Variants in ESRRG observed in about 807,000 individuals in gnomAD.
ESRRG encodes the protein estrogen related receptor gamma, also known as estrogen-related receptor gamma.
ESRRG carries 13 observed loss-of-function variants against 44.0 expected under a neutral mutation model. The observed-to-expected ratio is 0.30, with a 90% CI of 0.19 to 0.47. ESRRG has a LOEUF of 0.47. Among genes scored for constraint, ESRRG ranks in the 20% least tolerant of loss-of-function variants. The pLI is 1.00. For synonymous variants in ESRRG, 215 were observed against 214.6 expected, an observed-to-expected ratio of 1.00 and a Z score of -0.02; for missense variants, 395 against 580.6, an observed-to-expected ratio of 0.68 and a Z score of 3.29.
intron 3 of ESRRG, among the ~76,000 whole-genome samples, chr1:216,625,156 C>T (rs377591166): frequency 5.9e-4 from 90 of 152,148 alleles, no homozygotes; most frequent in Middle Eastern, 6.8e-3. Context: ...TGTCTCTTTC[C>T]CCTTTCATCT....
intron 1 of ESRRG, among the ~76,000 whole-genome samples, chr1:217,098,562 G>A (rs1424713671): frequency 2.0e-5 from 3 of 152,166 alleles, no homozygotes; most frequent in Non-Finnish European, 4.4e-5. Flanking sequence ...AAGTAGGAGT[G>A]TATCCACATT....
At chr1:216,662,894 C>A (rs1475033155) in intron 2 of ESRRG, among the ~76,000 whole-genome samples, 1 of 152,158 alleles carries the variant, frequency 6.6e-6, no homozygotes, top group Non-Finnish European at 1.5e-5. Context: ...CTTTCTTTAG[C>A]AAAATGGATT....
At chr1:216,620,026 T>G (rs968018875) in intron 3 of ESRRG, among the ~76,000 whole-genome samples, 2 of 152,146 alleles carry the variant, frequency 1.3e-5, no homozygotes, top group African/African-American at 4.8e-5. Flanking sequence ...TATTAGGTAC[T>G]AAAAATCTAC....
chr1:216,558,281 C>T (rs535295679), intron 5 of ESRRG, among the ~76,000 whole-genome samples: 57 of 152,232 alleles, frequency 3.7e-4, no homozygotes, highest in African/African-American at 1.3e-3. Flanking sequence ...TATTTCGATG[C>T]CATAGTTGTG....
chr1:216,508,507 A>G (rs2041822812), intron 6 of ESRRG, among the ~76,000 whole-genome samples: 1 of 152,192 alleles, frequency 6.6e-6, no homozygotes, highest in African/African-American at 2.4e-5. Context: ...TCCAAGTGGG[A>G]AATAGCATTG....
intron 2 of ESRRG, among the ~76,000 whole-genome samples, chr1:216,760,476 A>G (rs1447966317): frequency 1.3e-5 from 2 of 151,990 alleles, no homozygotes; most frequent in Non-Finnish European, 2.9e-5. Context: ...GGTAGCATGC[A>G]TCTGTAGTCC....
At chr1:216,912,234 A>G (rs2060535213) in intron 2 of ESRRG, among the ~76,000 whole-genome samples, 1 of 53,356 alleles carries the variant, frequency 1.9e-5, no homozygotes, top group African/African-American at 7.1e-5. Flanking sequence ...AGGAGAGGAG[A>G]GGAGAGGAGA....
At chr1:216,818,746 T>G (rs911455790) in intron 2 of ESRRG, among the ~76,000 whole-genome samples, 2 of 152,144 alleles carry the variant, frequency 1.3e-5, no homozygotes, top group African/African-American at 4.8e-5. Context: ...TTAGCTATTC[T>G]TCCAGATGCT....
At chr1:216,518,039 C>T (rs190952768) in intron 6 of ESRRG, among the ~76,000 whole-genome samples, 2 of 152,230 alleles carry the variant, frequency 1.3e-5, no homozygotes, top group Admixed American at 6.5e-5. Context: ...AAAACAGTCA[C>T]GCGTCCCTGG....
chr1:216,864,663 G>C lies in ESRRG; in HGVS notation c.-14+74919C>G, dbSNP rs151015589. 343 of 152,274 alleles carry C rather than the reference G, an allele frequency of 2.3e-3. 1 individual carries two copies. The highest frequency in any genetic ancestry group is 8.0e-3 in the African/African-American group (332 of 41,558). 9.4% of individuals were successfully genotyped at this position (152,274 alleles called of 1,614,324 possible). A position where few individuals can be genotyped will look rare whatever the true frequency, so the allele number is the denominator to read the frequency against. On this transcript the variant is annotated intron_variant, in intron 2 of 7. Coordinates refer to the ESRRG transcript ENST00000359162. ...GCAAAGTAGAGTTAGGAACAACTCC[G>C]TGTTTCCCTCAGGAATAAACGTGAT...
intron 4 of ESRRG, among the ~76,000 whole-genome samples, chr1:216,566,604 G>C (rs538105411): frequency 8.5e-5 from 13 of 152,244 alleles, no homozygotes; most frequent in African/African-American, 3.1e-4. Context: ...TGAGAAATGG[G>C]CAGTCTGTAT....
chr1:216,683,315 C>T (rs1008937908), intron 1 of ESRRG, among the ~76,000 whole-genome samples: 2 of 152,204 alleles, frequency 1.3e-5, no homozygotes, highest in African/African-American at 4.8e-5. Context: ...AACTTATGCA[C>T]ACATACTTCT....
intron 1 of ESRRG, among the ~76,000 whole-genome samples, chr1:217,102,346 G>T (rs568119165): frequency 1.3e-5 from 2 of 152,136 alleles, no homozygotes; most frequent in Non-Finnish European, 2.9e-5. Context: ...CCACCATACA[G>T]CATTGCTGCT....
At chr1:216,945,593 TG>T (rs1290726102) in intron 1 of ESRRG, among the ~76,000 whole-genome samples, 1 of 152,230 alleles carries the variant, frequency 6.6e-6, no homozygotes, top group Admixed American at 6.5e-5. Flanking sequence ...TGAATCATTT[TG>T]CAAACTTCTC....
At chr1:216,711,934 A>G (rs74141640) in intron 1 of ESRRG, among the ~76,000 whole-genome samples, 2,922 of 152,338 alleles carry the variant, frequency 0.019, 91 homozygotes, top group African/African-American at 0.067. Flanking sequence ...TGACCTACAA[A>G]AATGGCAACT....
At chr1:216,992,611 T>C (rs1411032891) in intron 1 of ESRRG, among the ~76,000 whole-genome samples, 1 of 152,220 alleles carries the variant, frequency 6.6e-6, no homozygotes, top group Non-Finnish European at 1.5e-5. Context: ...TTGTTACTTT[T>C]CCTTTAAACA....
At chr1:216,518,974 C>T (rs930552667) in intron 6 of ESRRG, among the ~76,000 whole-genome samples, 178 bp downstream of exon 6, 107 of 152,132 alleles carry the variant, frequency 7.0e-4, no homozygotes, top group African/African-American at 2.5e-3. Context: ...GAAATTAATT[C>T]CCTTTAAGTA....
At chr1:216,861,275 A>G (rs1306591894) in intron 2 of ESRRG, among the ~76,000 whole-genome samples, 9 of 152,044 alleles carry the variant, frequency 5.9e-5, no homozygotes, top group Admixed American at 5.9e-4. Flanking sequence ...AAGTGGTTTA[A>G]ATATTCTAAT....
chr1:216,565,733 C>A (rs2059567797), intron 4 of ESRRG, among the ~76,000 whole-genome samples: 1 of 151,768 alleles, frequency 6.6e-6, no homozygotes, highest in Non-Finnish European at 1.5e-5. Context: ...GGAAATATTC[C>A]CAAATACTAC....
Sources: allele counts gnomAD v4.1 joint callset (sites outside exome capture counted in the v4.1 genomes callset), GRCh38; gene constraint gnomAD v4.1.1; transcripts MANE v1.5; gene names NCBI Gene and HGNC (gene_info 2026-07-23, HGNC 2026-07-21).